Variants in RIOK1 observed in about 807,000 individuals in gnomAD.
RIOK1 encodes the protein RIO kinase 1, also known as serine/threonine-protein kinase RIO1.
In RIOK1, 66 loss-of-function variants were observed where a neutral mutation model predicts 73.5. The observed-to-expected ratio is 0.90, with a 90% CI of 0.74 to 1.10. RIOK1 has a LOEUF of 1.10. Ranked by LOEUF, RIOK1 falls within the 50% of genes least tolerant of loss-of-function variation. RIOK1 has a pLI of 0.00. For missense variants in RIOK1, 658 were observed against 699.8 expected, an observed-to-expected ratio of 0.94 and a Z score of 0.67; for synonymous variants, 224 against 226.8, an observed-to-expected ratio of 0.99 and a Z score of 0.11.
intron 16 of RIOK1, 47 bp from the exon 17 acceptor site, chr6:7,417,284 C>A: frequency 1.6e-6 from 2 of 1,229,610 alleles, no homozygotes; most frequent in Non-Finnish European, 1.1e-6. Flanking sequence ...ACAAAAAATG[C>A]ATACTCCAAA....
Position 7,398,849 on chromosome 6 carries a change from T to G in RIOK1, c.480+109T>G, listed in dbSNP as rs1761543286. The G allele has an allele frequency of 4.9e-6, 4 of 820,792 alleles. No homozygotes were observed. In the African/African-American group the frequency reaches 5.3e-5, roughly 11 times the overall value. The allele number at this position is 820,792 out of a possible 1,614,324, so 50.8% of individuals were successfully genotyped here. A position where few individuals can be genotyped will look rare whatever the true frequency, so the allele number is the denominator to read the frequency against. Reference sequence around the variant, plus strand: ...GCTTAATGCTAATGTTACCTAAAATTACTCCTATATAAAATTATTCCTTTT... The same window carrying G: ...GCTTAATGCTAATGTTACCTAAAATGACTCCTATATAAAATTATTCCTTTT... On this transcript the variant is annotated intron_variant, in intron 5 of 16. Coordinates refer to ENST00000379834, the MANE Select transcript of RIOK1 (RefSeq NM_031480.3).
At chr6:7,393,049 A>G in intron 1 of RIOK1, 50 bp from the exon 2 acceptor site, 2 of 1,520,650 alleles carry the variant, frequency 1.3e-6, no homozygotes, top group Non-Finnish European at 9.1e-7. Flanking sequence ...GAGATCAGTT[A>G]GGGTATGTGG....
intron 16 of RIOK1, among the ~76,000 whole-genome samples, chr6:7,416,213 C>G (rs1259197254): frequency 6.6e-6 from 1 of 152,232 alleles, no homozygotes; most frequent in East Asian, 1.9e-4. Flanking sequence ...AGCATATTTT[C>G]TCATATGTCT....
intron 2 of RIOK1, 150 bp downstream of exon 2, chr6:7,393,453 T>C (rs1374977438): frequency 3.2e-6 from 2 of 631,880 alleles, no homozygotes; most frequent in Non-Finnish European, 5.5e-6. Flanking sequence ...ATTTTCACTT[T>C]TCATCCTTTC....
At chr6:7,405,777 G>GTT (rs930729006) in intron 12 of RIOK1, among the ~76,000 whole-genome samples, 4 of 131,842 alleles carry the variant, frequency 3.0e-5, no homozygotes, top group Admixed American at 7.5e-5. Context: ...AAAGCCAGGG[G>GTT]TTTTTTTTTT....
At chr6:7,400,867 A>G (rs1581714803) in intron 5 of RIOK1, 91 bp from the exon 6 acceptor site, 6 of 731,570 alleles carry the variant, frequency 8.2e-6, no homozygotes, top group African/African-American at 5.3e-5. Context: ...TCGTACAGTT[A>G]AGCTCTGCTG....
Position 7,417,320 on chromosome 6 carries a change from G to GT in RIOK1, c.1597-5dup. On this transcript the variant is annotated splice_polypyrimidine_tract_variant and intron_variant, in intron 16 of 16. Transcript: ENST00000379834. ...TGAATGAAAGTTGGCTTTTTTGTTT[G>GT]TTTTTTACAGGAAAGAAAAAAGATG... 1 of 1,495,700 alleles carries GT rather than the reference G, an allele frequency of 6.7e-7. No individual in the cohort carries two copies. Among genetic ancestry groups the GT allele is most frequent in the Non-Finnish European group, 9.0e-7 (1 of 1,115,250 alleles). The allele number at this position is 1,495,700 out of a possible 1,614,324, so 92.7% of individuals were successfully genotyped here. A position where few individuals can be genotyped will look rare whatever the true frequency, so the allele number is the denominator to read the frequency against.
chr6:7,401,019 A>G lies in RIOK1; in HGVS notation c.542A>G (p.Glu181Gly). ...FKMLTRGIIT[E>G]INGCISTGKE... The stretch of plus-strand genomic sequence containing the variant: ...ATGTTGACTAGAGGAATCATAACAG[A>G]GATAAATGGCTGCATTAGCACAGGA... The change falls in exon 6 of 17, where the codon GAG (glutamate) becomes GGG (glycine). Residue 181 changes from glutamate (E) to glycine (G), a missense_variant. Glu to Gly is a moderately conservative substitution (Grantham distance 98, BLOSUM62 -2). Coordinates refer to ENST00000379834, the MANE Select transcript of RIOK1 (RefSeq NM_031480.3). 6.2e-7 allele frequency: 1 copy of G among 1,610,014 alleles called. No individual in the cohort carries two copies. Among genetic ancestry groups the G allele is most frequent in the East Asian group, 2.2e-5 (1 of 44,782 alleles).
At chr6:7,401,201 T>G (rs532354018) in intron 6 of RIOK1, 151 bp downstream of exon 6, 13 of 636,358 alleles carry the variant, frequency 2.0e-5, no homozygotes, top group African/African-American at 2.0e-4. Flanking sequence ...GTTGTACATA[T>G]AACTACGCCC....
At chr6:7,409,867 A>G (rs1175587659) in intron 12 of RIOK1, among the ~76,000 whole-genome samples, 1 of 151,548 alleles carries the variant, frequency 6.6e-6, no homozygotes, top group Non-Finnish European at 1.5e-5. Flanking sequence ...GAGAACACTC[A>G]GTTTTACAAA....
intron 4 of RIOK1, among the ~76,000 whole-genome samples, chr6:7,397,287 A>C (rs1761498127): frequency 1.3e-5 from 2 of 152,178 alleles, no homozygotes; most frequent in Admixed American, 6.5e-5. Flanking sequence ...TAAAATAAAA[A>C]TTAATGAATT....
At chr6:7,401,913 A>C (rs990016629) in intron 6 of RIOK1, among the ~76,000 whole-genome samples, 2 of 152,038 alleles carry the variant, frequency 1.3e-5, no homozygotes, top group African/African-American at 4.8e-5. Flanking sequence ...TTTTGGCCTG[A>C]AGTGATTCAC....
chr6:7,392,159 G>A (rs562125076), intron 1 of RIOK1, among the ~76,000 whole-genome samples: 1 of 150,466 alleles, frequency 6.6e-6, no homozygotes, highest in Non-Finnish European at 1.5e-5. Flanking sequence ...CCAGTGAAGG[G>A]ATAGATTTTA....
chr6:7,413,605 A>G (rs984152433), intron 15 of RIOK1, among the ~76,000 whole-genome samples: 3 of 152,228 alleles, frequency 2.0e-5, no homozygotes, highest in African/African-American at 7.2e-5. Flanking sequence ...CTGAGTTATA[A>G]TAACAGGTGT....
chr6:7,412,166 A>G (rs1392671018), intron 14 of RIOK1, among the ~76,000 whole-genome samples: 28 of 145,916 alleles, frequency 1.9e-4, no homozygotes, highest in Middle Eastern at 8.4e-3. Context: ...TTCGAGACCA[A>G]CCTGGCCAAC....
At position 7,417,426 on chromosome 6, in the gene RIOK1, GA is replaced by G. The variant is rs2113536569; in HGVS notation, c.1698del (p.Gly567AlafsTer23). The G allele has an allele frequency of 5.2e-6, 8 of 1,546,328 alleles. No homozygotes were observed. Among genetic ancestry groups the G allele is most frequent in the South Asian group, 2.5e-5 (2 of 80,970 alleles). On this transcript the variant is annotated frameshift_variant, in exon 17 of 17. Coordinates refer to ENST00000379834, the MANE Select transcript of RIOK1 (RefSeq NM_031480.3). LOFTEE classifies it high-confidence loss of function. ...KKRKEKTAKT[K>X]KGK Reference sequence around the variant, plus strand: ...AAAGAAAGGAGAAGACAGCCAAGACGAAAAAAGGCAAATAGAATGAGAACCA... The same window carrying G: ...AAAGAAAGGAGAAGACAGCCAAGACGAAAAAGGCAAATAGAATGAGAACCA...
chr6:7,411,503 A>G, intron 14 of RIOK1, 52 bp downstream of exon 14: 1 of 1,602,858 alleles, frequency 6.2e-7, no homozygotes, highest in South Asian at 1.1e-5. Flanking sequence ...GTAGTAGGGG[A>G]CTGTCCCAAA....
At chr6:7,398,458 T>C (rs367998880) in intron 4 of RIOK1, among the ~76,000 whole-genome samples, 10 of 152,242 alleles carry the variant, frequency 6.6e-5, no homozygotes, top group African/African-American at 2.2e-4. Context: ...GAAATAGGAA[T>C]AGATTTTTCT....
intron 6 of RIOK1, 74 bp from the exon 7 acceptor site, chr6:7,402,529 G>A: frequency 9.1e-7 from 1 of 1,093,996 alleles, no homozygotes; most frequent in South Asian, 1.5e-5. Flanking sequence ...GACTTTTGAG[G>A]TTAGAATCAA....
Sources: gnomAD v4.1 joint callset for allele counts (sites outside exome capture counted in the v4.1 genomes callset) on GRCh38, gnomAD v4.1.1 for gene constraint, MANE v1.5 for transcripts, NCBI Gene and HGNC (gene_info 2026-07-23, HGNC 2026-07-21) for gene names.